MTMR3: variants seen among roughly 807,000 people sequenced by gnomAD.
MTMR3 encodes phosphatidylinositol-3,5-bisphosphate 3-phosphatase MTMR3.
Under a neutral mutation model 132.4 loss-of-function variants are expected in MTMR3, and 32 were observed. The ratio of observed to expected loss-of-function variants is 0.24; its 90% CI spans 0.18 to 0.32. MTMR3 has a LOEUF of 0.32. Ranked by LOEUF, MTMR3 falls within the 10% of genes least tolerant of loss-of-function variation. The pLI is 1.00. For missense variants in MTMR3, 1,216 were observed against 1,489.6 expected, an observed-to-expected ratio of 0.82 and a Z score of 3.02; for synonymous variants, 556 against 550.3, an observed-to-expected ratio of 1.01 and a Z score of -0.14.
chr22:29,971,787 G>A (rs1421619628), intron 3 of MTMR3, among the ~76,000 whole-genome samples: 2 of 152,030 alleles, frequency 1.3e-5, no homozygotes, highest in African/African-American at 4.8e-5. Context: ...CAACAAGCCA[G>A]CCACATTTTC....
At chr22:29,892,925 A>G (rs2064827248) in intron 1 of MTMR3, among the ~76,000 whole-genome samples, 1 of 152,220 alleles carries the variant, frequency 6.6e-6, no homozygotes, top group African/African-American at 2.4e-5. Context: ...CATCACAAGG[A>G]TTTGAGATCA....
At chr22:29,924,942 C>T (rs775980030) in intron 1 of MTMR3, among the ~76,000 whole-genome samples, 5 of 152,062 alleles carry the variant, frequency 3.3e-5, no homozygotes, top group Admixed American at 6.5e-5. Flanking sequence ...ATTTGGCTGT[C>T]CATACTAATA....
chr22:29,933,308 C>CA (rs200465852), intron 1 of MTMR3, among the ~76,000 whole-genome samples: 11,797 of 149,792 alleles, frequency 0.079, 542 homozygotes, highest in African/African-American at 0.096. Flanking sequence ...ATTATCCAGG[C>CA]AAAAAAAACT....
Position 30,008,041 on chromosome 22 carries a change from T to C in MTMR3, c.1009+9T>C. 1.9e-6 allele frequency: 3 copies of C among 1,611,926 alleles called. No homozygotes were observed. The highest frequency in any genetic ancestry group is 2.5e-6 in the Non-Finnish European group (3 of 1,179,558). On this transcript the variant is annotated intron_variant, in intron 11 of 19. Coordinates refer to ENST00000401950, the MANE Select transcript of MTMR3 (RefSeq NM_021090.4). ...AGGCTGCGAATGCCCAGGTGAGGTGTATGGTGCTTTGTTCCCCATACTTTC... is the reference window on the plus strand; with the variant it reads ...AGGCTGCGAATGCCCAGGTGAGGTGCATGGTGCTTTGTTCCCCATACTTTC...
chr22:29,932,608 A>G (rs890727758), intron 1 of MTMR3, among the ~76,000 whole-genome samples: 3 of 152,158 alleles, frequency 2.0e-5, no homozygotes, highest in Non-Finnish European at 4.4e-5. Context: ...CTGGGACTAG[A>G]GTACAACATT....
intron 2 of MTMR3, among the ~76,000 whole-genome samples, chr22:29,962,221 T>C (rs528774164): frequency 2.1e-4 from 32 of 152,298 alleles, no homozygotes; most frequent in African/African-American, 7.7e-4. Context: ...GCTTACCAAT[T>C]TTTTTTAAAT....
chr22:29,957,400 T>C (rs967678488), intron 2 of MTMR3, among the ~76,000 whole-genome samples: 11 of 151,154 alleles, frequency 7.3e-5, no homozygotes, highest in Non-Finnish European at 1.6e-4. Flanking sequence ...TAAATAGATT[T>C]ATCAATCTCC....
intron 1 of MTMR3, among the ~76,000 whole-genome samples, chr22:29,907,019 G>A (rs953498295): frequency 2.0e-5 from 3 of 152,110 alleles, no homozygotes; most frequent in African/African-American, 7.2e-5. Flanking sequence ...GGAGGTTGCA[G>A]TGAGCTGAGA....
chr22:29,885,619 A>G (rs2064658737), intron 1 of MTMR3, among the ~76,000 whole-genome samples: 1 of 152,178 alleles, frequency 6.6e-6, no homozygotes, highest in Non-Finnish European at 1.5e-5. Context: ...GCTTCCCACC[A>G]TTATGGTTGC....
At chr22:29,947,458 G>T (rs1266477526) in intron 1 of MTMR3, among the ~76,000 whole-genome samples, 4 of 149,502 alleles carry the variant, frequency 2.7e-5, no homozygotes, top group Non-Finnish European at 3.0e-5. Context: ...GTTTGAGAAA[G>T]TTTTCCTCTT....
At chr22:30,013,856 A>C (rs2067498053) in intron 14 of MTMR3, 1 of 257,674 alleles carries the variant, frequency 3.9e-6, no homozygotes, top group Non-Finnish European at 7.5e-6. Flanking sequence ...CAGTCTGTCT[A>C]CCAGACCCCC....
At chr22:29,960,951 G>A (rs769284061) in intron 2 of MTMR3, among the ~76,000 whole-genome samples, 2 of 152,100 alleles carry the variant, frequency 1.3e-5, no homozygotes, top group Non-Finnish European at 2.9e-5. Flanking sequence ...ACTGAAAGTT[G>A]CTGCTCCCAC....
At chr22:29,910,691 A>C (rs2065194059) in intron 1 of MTMR3, among the ~76,000 whole-genome samples, 1 of 151,798 alleles carries the variant, frequency 6.6e-6, no homozygotes, top group Admixed American at 6.6e-5. Flanking sequence ...AAGCCCATTA[A>C]ATTGACTTTT....
intron 17 of MTMR3, chr22:30,021,710 A>C: frequency 7.1e-6 from 2 of 280,064 alleles, no homozygotes; most frequent in Non-Finnish European, 1.3e-5. Flanking sequence ...TTGGATTGAC[A>C]GGCCCACTGG....
rs752364771 is a variant in MTMR3, at chr22:30,019,673, G to C, written c.2014G>C (p.Val672Leu). 1 of 1,614,234 alleles carries C rather than the reference G, an allele frequency of 6.2e-7. No homozygotes were observed. Among genetic ancestry groups the C allele is most frequent in the South Asian group, 1.1e-5 (1 of 91,088 alleles). ...SADSLGKPTR[V>L]PGGAELSVAA... The stretch of plus-strand genomic sequence containing the variant: ...CGACAGCCTAGGGAAGCCCACCAGA[G>C]TGCCGGGGGGTGCCGAGCTTTCTGT... Residue 672 changes from valine to leucine, a missense_variant, in exon 17 of 20, where the codon GTG becomes CTG. Physicochemically the swap from Val to Leu is conservative, Grantham distance 32. Transcript: ENST00000401950.
intron 1 of MTMR3, among the ~76,000 whole-genome samples, chr22:29,890,443 A>C (rs959904984): frequency 2.0e-5 from 3 of 152,020 alleles, no homozygotes; most frequent in Admixed American, 2.0e-4. Context: ...ACTTGAACCC[A>C]GGAGGCAGAG....
chr22:30,013,732 T>C, intron 14 of MTMR3, 191 bp downstream of exon 14: 1 of 539,100 alleles, frequency 1.9e-6, no homozygotes, highest in East Asian at 3.6e-5. Context: ...GTATACCAGG[T>C]TTGCATGAAG....
intron 7 of MTMR3, 128 bp from the exon 8 acceptor site, chr22:29,998,633 A>G: frequency 2.1e-6 from 1 of 468,080 alleles, no homozygotes; most frequent in South Asian, 3.5e-5. Context: ...ACAGAGTGGA[A>G]TCCTGTCTCA....
intron 1 of MTMR3, among the ~76,000 whole-genome samples, chr22:29,903,191 C>G (rs900944209): frequency 6.6e-6 from 1 of 152,042 alleles, no homozygotes; most frequent in African/African-American, 2.4e-5. Flanking sequence ...TGCCAGTCCA[C>G]TCCAGCTTGG....
Sources: gnomAD v4.1 joint callset for allele counts (sites outside exome capture counted in the v4.1 genomes callset) on GRCh38, gnomAD v4.1.1 for gene constraint, MANE v1.5 for transcripts, NCBI Gene and HGNC (gene_info 2026-07-23, HGNC 2026-07-21) for gene names.